EVI5: variants seen among roughly 807,000 people sequenced by gnomAD.
EVI5 encodes ecotropic viral integration site 5.
A neutral mutation model predicts 112.0 loss-of-function variants in EVI5; 73 were observed. That is an observed-to-expected ratio of 0.65 (90% confidence interval 0.54 to 0.79). The LOEUF (loss-of-function observed/expected upper bound fraction) is 0.79. Among genes scored for constraint, EVI5 ranks in the 30% least tolerant of loss-of-function variants. The pLI is 0.00. For synonymous variants in EVI5, 305 were observed against 319.9 expected (o/e 0.95, Z 0.50); for missense variants, 900 against 968.8 (o/e 0.93, Z 0.94).
At chr1:92,636,762 T>C (rs1025579320) in intron 13 of EVI5, among the ~76,000 whole-genome samples, 6 of 152,154 alleles carry the variant, frequency 3.9e-5, no homozygotes, top group African/African-American at 1.4e-4. Context: ...AAGTATAAAA[T>C]ACAAACTGGA....
chr1:92,595,723 A>G (rs1463003914), intron 18 of EVI5, among the ~76,000 whole-genome samples: 1 of 152,238 alleles, frequency 6.6e-6, no homozygotes, highest in Non-Finnish European at 1.5e-5. Context: ...TGGGAAATAA[A>G]GCTAGAAAAG....
At chr1:92,791,992 A>G (rs907668611) in intron 1 of EVI5, among the ~76,000 whole-genome samples, 5 of 152,210 alleles carry the variant, frequency 3.3e-5, no homozygotes, top group Non-Finnish European at 7.3e-5. Flanking sequence ...CAGACATGCT[A>G]GGTCTCCTCT....
intron 2 of EVI5, among the ~76,000 whole-genome samples, chr1:92,717,082 A>G (rs866784430): frequency 1.3e-5 from 2 of 152,094 alleles, no homozygotes; most frequent in Middle Eastern, 3.2e-3. Flanking sequence ...TGTAGAGAAG[A>G]CCTTAAATGA....
rs147973775 is a variant in EVI5, at chr1:92,553,297, A to ATTT, written c.2166+10342_2166+10344dup. On this transcript the variant is annotated intron_variant, in intron 19 of 19. Transcript: ENST00000684568. The stretch of plus-strand genomic sequence containing the variant: ...AGGGGCATGCCACCACACCTGGCCA[A>ATTT]TTTTTTTTTTTTTTTTTTTTTTTGA... Among the ~76,000 whole-genome samples, 263 of 74,174 alleles carry ATTT rather than the reference A, an allele frequency of 3.5e-3. 7 individuals are homozygous for ATTT. The highest frequency in any genetic ancestry group is 3.9e-3 in the African/African-American group (68 of 17,360). The allele number at this position is 74,174 out of a possible 152,430, so 48.7% of individuals were successfully genotyped here.
At chr1:92,595,040 T>C (rs952977090) in intron 18 of EVI5, among the ~76,000 whole-genome samples, 6 of 151,916 alleles carry the variant, frequency 3.9e-5, no homozygotes, top group Non-Finnish European at 8.8e-5. Flanking sequence ...AGAAATACCA[T>C]TTGACCCAGC....
At chr1:92,595,924 A>T (rs1488616027) in intron 18 of EVI5, among the ~76,000 whole-genome samples, 1 of 152,236 alleles carries the variant, frequency 6.6e-6, no homozygotes, top group Non-Finnish European at 1.5e-5. Flanking sequence ...AACTACCATG[A>T]CAGTATGTTG....
chr1:92,663,922 A>AT (rs1231349220), intron 11 of EVI5, among the ~76,000 whole-genome samples: 1 of 152,150 alleles, frequency 6.6e-6, no homozygotes, highest in Non-Finnish European at 1.5e-5. Flanking sequence ...TAGTTTTAAA[A>AT]TTTTTTGTAG....
intron 1 of EVI5, among the ~76,000 whole-genome samples, chr1:92,783,483 T>TAA (rs774619273): frequency 7.4e-4 from 18 of 24,238 alleles, no homozygotes; most frequent in East Asian, 1.9e-3. Flanking sequence ...GACTCAGCCT[T>TAA]AAAAAAAAAA....
At chr1:92,552,544 A>G (rs949232804) in intron 19 of EVI5, among the ~76,000 whole-genome samples, 3 of 152,152 alleles carry the variant, frequency 2.0e-5, no homozygotes, top group Non-Finnish European at 2.9e-5. Context: ...AATTCCATCT[A>G]ATGCAGCTTA....
Position 92,766,330 on chromosome 1 carries a change from C to T in EVI5, c.-82+18506G>A, listed in dbSNP as rs1286319716. Among the ~76,000 whole-genome samples the T allele has an allele frequency of 2.0e-5, 3 of 151,818 alleles. No individual in the cohort carries two copies. In the East Asian group the frequency reaches 5.8e-4, roughly 29 times the overall value. ...TGTTTTTTTAAAAAAAGGATATCCACACACAATTTTTTCTTGACAGCAGCA... is the reference window on the plus strand; with the variant it reads ...TGTTTTTTTAAAAAAAGGATATCCATACACAATTTTTTCTTGACAGCAGCA... On this transcript the variant is annotated intron_variant, in intron 1 of 19. Coordinates refer to ENST00000684568, the MANE Select transcript of EVI5 (RefSeq NM_001350197.2).
intron 15 of EVI5, 158 bp downstream of exon 15, chr1:92,625,636 C>T (rs1655503291): frequency 1.8e-6 from 1 of 559,160 alleles, no homozygotes. Flanking sequence ...AGCTTAAGTG[C>T]ACTTTCAGTT....
intron 1 of EVI5, among the ~76,000 whole-genome samples, chr1:92,739,705 A>G (rs756950988): frequency 6.6e-6 from 1 of 152,172 alleles, no homozygotes; most frequent in Non-Finnish European, 1.5e-5. Flanking sequence ...ATATTTTATT[A>G]AAAGGATGCT....
At chr1:92,547,435 A>G (rs1229322747) in intron 19 of EVI5, among the ~76,000 whole-genome samples, 1 of 152,248 alleles carries the variant, frequency 6.6e-6, no homozygotes, top group Non-Finnish European at 1.5e-5. Flanking sequence ...CACAATTAAA[A>G]GAACTAGAGA....
At chr1:92,635,401 G>A (rs887133431) in intron 14 of EVI5, among the ~76,000 whole-genome samples, 6 of 152,166 alleles carry the variant, frequency 3.9e-5, no homozygotes, top group South Asian at 2.1e-4. Flanking sequence ...CTGCAGCCTC[G>A]CTGCCGCCTT....
At chr1:92,684,375 C>G (rs1338241671) in intron 9 of EVI5, among the ~76,000 whole-genome samples, 1 of 152,138 alleles carries the variant, frequency 6.6e-6, no homozygotes, top group East Asian at 1.9e-4. Context: ...CACCACCAGG[C>G]CTGCCTTACA....
intron 19 of EVI5, among the ~76,000 whole-genome samples, chr1:92,528,630 A>G (rs1662321166): frequency 6.6e-6 from 1 of 152,268 alleles, no homozygotes; most frequent in Non-Finnish European, 1.5e-5. Context: ...AAAAATGAAC[A>G]GACTACTGCT....
At chr1:92,730,581 C>G (rs116202122) in intron 2 of EVI5, among the ~76,000 whole-genome samples, 2,853 of 150,258 alleles carry the variant, frequency 0.019, 107 homozygotes, top group African/African-American at 0.066. Flanking sequence ...ACTCAGGAGG[C>G]TGAGGTGGAA....
In EVI5 at chr1:92,621,235, T is replaced by C. The variant is rs185850391; in HGVS notation, c.1827+2941A>G. On this transcript the variant is annotated intron_variant, in intron 16 of 19. Transcript: ENST00000684568. ...ACAAAATAGCTAGCAAGGTGACAGATATCAATCCAAGTAAAATTACAAAAC... is the reference window on the plus strand; with the variant it reads ...ACAAAATAGCTAGCAAGGTGACAGACATCAATCCAAGTAAAATTACAAAAC... 9.2e-5 allele frequency among the ~76,000 whole-genome samples: 14 copies of C among 152,298 alleles called. No individual in the cohort carries two copies. In the East Asian group the frequency reaches 2.1e-3, roughly 23 times the overall value.
intron 1 of EVI5, among the ~76,000 whole-genome samples, chr1:92,755,068 GTTTTTTTT>G (rs3216193): frequency 3.0e-5 from 1 of 33,608 alleles, no homozygotes; most frequent in Non-Finnish European, 6.3e-5. Flanking sequence ...GTGAACATAG[GTTTTTTTT>G]TTTTTTTTTT....
Sources: allele counts gnomAD v4.1 joint callset (sites outside exome capture counted in the v4.1 genomes callset), GRCh38; gene constraint gnomAD v4.1.1; transcripts MANE v1.5; gene names NCBI Gene and HGNC (gene_info 2026-07-23, HGNC 2026-07-21).